The following SESN1 variants were observed in gnomAD, a reference collection of about 807,000 sequenced individuals.
SESN1 encodes sestrin-1.
Under a neutral mutation model 59.3 loss-of-function variants are expected in SESN1, and 30 were observed. That is an observed-to-expected ratio of 0.51 (90% confidence interval 0.38 to 0.69). The LOEUF is 0.69. Ranked by LOEUF, SESN1 falls within the 30% of genes least tolerant of loss-of-function variation. SESN1 has a pLI of 0.00. For synonymous variants in SESN1, 197 were observed against 219.9 expected, an observed-to-expected ratio of 0.90 and a Z score of 0.92; for missense variants, 566 against 673.0, an observed-to-expected ratio of 0.84 and a Z score of 1.76.
In SESN1 at chr6:109,051,236, G is replaced by A. The variant is rs1780537348; in HGVS notation, c.279+42559C>T. Among the ~76,000 whole-genome samples, 13 of 151,882 alleles carry A rather than the reference G, an allele frequency of 8.6e-5. No homozygotes were observed. In the South Asian group the frequency reaches 2.5e-3, roughly 29 times the overall value. ...CTTTTGGATCAGTAGCTTTAAAATT[G>A]GTTTTATAAAACAGCAGGGTGCAAT... On this transcript the variant is annotated intron_variant, in intron 1 of 9. Coordinates refer to ENST00000436639, the MANE Select transcript of SESN1 (RefSeq NM_014454.3).
intron 1 of SESN1, among the ~76,000 whole-genome samples, chr6:109,078,405 AAAT>A: frequency 6.6e-6 from 1 of 152,220 alleles, no homozygotes; most frequent in South Asian, 2.1e-4. Context: ...ATATAAATAT[AAAT>A]AATAATCCTT....
chr6:109,077,357 C>T (rs756660488), intron 1 of SESN1, among the ~76,000 whole-genome samples: 2 of 152,154 alleles, frequency 1.3e-5, no homozygotes, highest in Non-Finnish European at 2.9e-5. Context: ...CATGCCTTCT[C>T]GACTCCAGTA....
chr6:109,008,829 A>G, intron 1 of SESN1: 1 of 985,606 alleles, frequency 1.0e-6, no homozygotes. Context: ...TAGAGCTTGC[A>G]GGACACACTT....
chr6:109,020,448 G>A (rs1779992665), intron 1 of SESN1, among the ~76,000 whole-genome samples: 1 of 152,044 alleles, frequency 6.6e-6, no homozygotes, highest in Non-Finnish European at 1.5e-5. Context: ...AGAAAATAAA[G>A]GTAGAAATAT....
intron 1 of SESN1, among the ~76,000 whole-genome samples, chr6:109,052,344 G>A (rs901033889): frequency 6.6e-6 from 1 of 152,076 alleles, no homozygotes; most frequent in Non-Finnish European, 1.5e-5. Flanking sequence ...TACTGTAAAA[G>A]TGAAGACTAT....
At chr6:109,078,654 T>C (rs2114473284) in intron 1 of SESN1, among the ~76,000 whole-genome samples, 1 of 152,194 alleles carries the variant, frequency 6.6e-6, no homozygotes, top group East Asian at 1.9e-4. Flanking sequence ...TAATTTGTTC[T>C]TCGATTTTCA....
intron 1 of SESN1, among the ~76,000 whole-genome samples, chr6:109,065,848 C>T (rs1780816088): frequency 1.3e-5 from 2 of 151,826 alleles, no homozygotes; most frequent in South Asian, 4.2e-4. Context: ...TACCTTTTCT[C>T]TATTATAATA....
intron 1 of SESN1, among the ~76,000 whole-genome samples, chr6:109,064,581 A>G (rs1168038778): frequency 1.3e-5 from 1 of 76,606 alleles, no homozygotes; most frequent in Non-Finnish European, 2.4e-5. Context: ...GGGAGAGGAG[A>G]GGAGAGGAGA....
chr6:109,005,114 G>A (rs149061095), intron 1 of SESN1, among the ~76,000 whole-genome samples: 208 of 152,298 alleles, frequency 1.4e-3, no homozygotes, highest in South Asian at 2.7e-3. Flanking sequence ...AATGCCATAC[G>A]TAAAAGGATA....
At chr6:108,995,528 G>A (rs2114284205) in intron 5 of SESN1, among the ~76,000 whole-genome samples, 1 of 152,334 alleles carries the variant, frequency 6.6e-6, no homozygotes, top group East Asian at 1.9e-4. Context: ...TTTTGCACTA[G>A]TCAAACTGGT....
chr6:109,077,052 AAC>A (rs1333559204), intron 1 of SESN1, among the ~76,000 whole-genome samples: 1 of 152,222 alleles, frequency 6.6e-6, no homozygotes, highest in East Asian at 1.9e-4. Context: ...AGGCAGTTCT[AAC>A]ACAACGATAA....
rs1314778433 is a variant in SESN1 at position 109,086,401 on chromosome 6, C to CTG, written c.279+7392_279+7393dup. 5.5e-4 allele frequency among the ~76,000 whole-genome samples: 84 copies of CTG among 152,194 alleles called. 1 individual carries two copies. The highest frequency in any genetic ancestry group is 5.5e-3 in the Admixed American group (84 of 15,280). ...ATACCCAAGATTCCACAGCTACTTT[C>CTG]TGTCAGACCAAAGTTTCAACAATCC... On this transcript the variant is annotated intron_variant, in intron 1 of 9. Transcript: ENST00000436639.
At chr6:109,087,674 CT>C (rs1280519846) in intron 1 of SESN1, among the ~76,000 whole-genome samples, 2 of 152,106 alleles carry the variant, frequency 1.3e-5, no homozygotes, top group Non-Finnish European at 2.9e-5. Context: ...CTACCTTAGA[CT>C]TTTGGCTCCA....
intron 1 of SESN1, among the ~76,000 whole-genome samples, chr6:109,054,683 T>C (rs1780600168): frequency 6.6e-6 from 1 of 152,182 alleles, no homozygotes; most frequent in South Asian, 2.1e-4. Context: ...TTGTTCAAAA[T>C]TTTTATTTAC....
chr6:109,025,006 C>T (rs1780069011), intron 1 of SESN1, among the ~76,000 whole-genome samples: 1 of 152,064 alleles, frequency 6.6e-6, no homozygotes, highest in Non-Finnish European at 1.5e-5. Context: ...AGACAGTGAG[C>T]ACTAAGGCTG....
chr6:108,990,459 G>A (rs937061358), intron 8 of SESN1, among the ~76,000 whole-genome samples, 186 bp downstream of exon 8: 13 of 152,188 alleles, frequency 8.5e-5, no homozygotes, highest in Admixed American at 8.5e-4. Context: ...TGCCTAGCTA[G>A]GAAAGAGAAG....
intron 1 of SESN1, among the ~76,000 whole-genome samples, chr6:109,035,534 C>CT (rs1000344002): frequency 6.6e-6 from 1 of 150,692 alleles, no homozygotes; most frequent in Non-Finnish European, 1.5e-5. Context: ...AAAGATGTGA[C>CT]TACCCGGCAG....
chr6:109,026,691 G>A (rs1296150490), intron 1 of SESN1, among the ~76,000 whole-genome samples: 4 of 151,974 alleles, frequency 2.6e-5, no homozygotes, highest in Non-Finnish European at 1.5e-5. Context: ...TTTTAGTAGC[G>A]ACGGGGTTTC....
chr6:109,028,976 T>C (rs1033602840), intron 1 of SESN1, among the ~76,000 whole-genome samples: 1 of 152,210 alleles, frequency 6.6e-6, no homozygotes, highest in Non-Finnish European at 1.5e-5. Flanking sequence ...ATTAACTGTC[T>C]CATAGAGATT....
Sources: gnomAD v4.1 joint callset for allele counts (sites outside exome capture counted in the v4.1 genomes callset) on GRCh38, gnomAD v4.1.1 for gene constraint, MANE v1.5 for transcripts, NCBI Gene and HGNC (gene_info 2026-07-23, HGNC 2026-07-21) for gene names.